The following BLVRA variants were observed in gnomAD, a reference collection of about 807,000 sequenced individuals.
The protein encoded by BLVRA is biliverdin reductase A.
Under a neutral mutation model 32.8 loss-of-function variants are expected in BLVRA, and 22 were observed. The observed-to-expected ratio is 0.67, with a 90% CI of 0.48 to 0.96. The LOEUF (loss-of-function observed/expected upper bound fraction) is 0.96. Among genes scored for constraint, BLVRA ranks in the 40% least tolerant of loss-of-function variants. BLVRA has a pLI of 0.00. For synonymous variants in BLVRA, 119 were observed against 141.3 expected (o/e 0.84, Z 1.12); for missense variants, 323 against 358.1 (o/e 0.90, Z 0.79).
At chr7:43,770,746 A>G (rs1040852262) in intron 1 of BLVRA, among the ~76,000 whole-genome samples, 4 of 152,284 alleles carry the variant, frequency 2.6e-5, no homozygotes, top group Admixed American at 2.6e-4. Flanking sequence ...AAAAAAGTAC[A>G]TATTTCTTAT....
intron 1 of BLVRA, among the ~76,000 whole-genome samples, chr7:43,762,605 C>CTTTTTTTTTTTTTTTT (rs1563533682): frequency 8.4e-6 from 1 of 118,652 alleles, no homozygotes; most frequent in Non-Finnish European, 1.8e-5. Context: ...CCCAGTAGTT[C>CTTTTTTTTTTTTTTTT]CTTTTTTTTT....
chr7:43,780,287 C>T lies in BLVRA; in HGVS notation c.13-7617C>T, dbSNP rs184195340. Among the ~76,000 whole-genome samples, 11 of 152,308 alleles carry T rather than the reference C, an allele frequency of 7.2e-5. No homozygotes were observed. The East Asian group carries it at 1.2e-3, about 16-fold the overall frequency. ...CTCGAAGGGCCATCTGTGGGCCAGG[C>T]GCTCCAGTCCCCTCACTCTGTTCCC... On this transcript the variant is annotated intron_variant, in intron 2 of 7. Transcript: ENST00000265523.
At chr7:43,783,638 C>G (rs2095773020) in intron 2 of BLVRA, among the ~76,000 whole-genome samples, 1 of 152,092 alleles carries the variant, frequency 6.6e-6, no homozygotes, top group African/African-American at 2.4e-5. Context: ...TTGTGTAGCT[C>G]TATAGGACAC....
At chr7:43,774,439 A>T (rs1158609354) in intron 2 of BLVRA, among the ~76,000 whole-genome samples, 1 of 152,096 alleles carries the variant, frequency 6.6e-6, no homozygotes, top group East Asian at 1.9e-4. Flanking sequence ...GTCAAAGATC[A>T]GATAGTTGTA....
In BLVRA at chr7:43,803,804, C is replaced by A. The variant is rs760722927; in HGVS notation, c.589C>A (p.Gln197Lys). 8 of 1,614,070 alleles carry A rather than the reference C, an allele frequency of 5.0e-6. No homozygotes were observed. The highest frequency in any genetic ancestry group is 6.8e-6 in the Non-Finnish European group (8 of 1,179,980). Residue 197 changes from glutamine (Q) to lysine (K), a missense_variant, in exon 7 of 8, where the codon CAG becomes AAG. Transcript: ENST00000265523. ...CACTTTGGAAGAGCGAAAGGAAGAT[C>A]AGTATATGAAAATGACAGTGTGTCT... ...SATLEERKED[Q>K]YMKMTVCLET...
At chr7:43,803,549 G>T in intron 6 of BLVRA, 127 bp from the exon 7 acceptor site, 1 of 1,068,988 alleles carries the variant, frequency 9.4e-7, no homozygotes, top group South Asian at 1.3e-5. Context: ...ACCACATAAG[G>T]CAAGGTCCCA....
intron 3 of BLVRA, among the ~76,000 whole-genome samples, chr7:43,788,850 A>G (rs2095781764): frequency 6.7e-6 from 1 of 149,304 alleles, no homozygotes; most frequent in Non-Finnish European, 1.5e-5. Context: ...TGTTGCCTAG[A>G]CTGGTCTCAA....
intron 2 of BLVRA, among the ~76,000 whole-genome samples, chr7:43,783,181 AG>A (rs2095772207): frequency 6.6e-6 from 1 of 152,188 alleles, no homozygotes; most frequent in Non-Finnish European, 1.5e-5. Flanking sequence ...AACTTTAAAG[AG>A]GAAAAAAAGA....
intron 4 of BLVRA, 127 bp from the exon 5 acceptor site, chr7:43,792,588 C>G (rs1323919661): frequency 2.3e-6 from 2 of 888,056 alleles, no homozygotes; most frequent in Non-Finnish European, 1.8e-6. Flanking sequence ...ACTCCTACCC[C>G]CAGTCATGAC....
intron 2 of BLVRA, among the ~76,000 whole-genome samples, chr7:43,779,969 G>T (rs920043291): frequency 6.6e-6 from 1 of 151,914 alleles, no homozygotes; most frequent in African/African-American, 2.4e-5. Flanking sequence ...TGCCTCCCGG[G>T]TTCATGCGAT....
rs775256722 is a variant in BLVRA, at chr7:43,806,978, C to G, written c.634C>G (p.Pro212Ala). ...TVCLETEKKS[P>A]LSWIEEKGPG... ...TTCTTTTGTCTTTTGTCTTTGCAGTCCACTGTCATGGATTGAAGAAAAAGG... is the reference window on the plus strand; with the variant it reads ...TTCTTTTGTCTTTTGTCTTTGCAGTGCACTGTCATGGATTGAAGAAAAAGG... The change falls in exon 8 of 8, where the codon CCA (proline) becomes GCA (alanine). Residue 212 changes from proline (P) to alanine (A), a missense_variant and splice_region_variant. By Grantham distance (27) the Pro-to-Ala change is conservative (BLOSUM62 -1). Transcript: ENST00000265523. 1 of 1,613,630 alleles carries G rather than the reference C, an allele frequency of 6.2e-7. No individual in the cohort carries two copies. The highest frequency in any genetic ancestry group is 1.1e-5 in the South Asian group (1 of 91,018).
intron 2 of BLVRA, among the ~76,000 whole-genome samples, chr7:43,773,197 T>C (rs2095756590): frequency 6.6e-6 from 1 of 152,172 alleles, no homozygotes; most frequent in African/African-American, 2.4e-5. Flanking sequence ...TGCAGGTTAG[T>C]TACATATGTA....
intron 6 of BLVRA, among the ~76,000 whole-genome samples, chr7:43,801,767 C>G (rs927540606): frequency 6.6e-6 from 1 of 152,162 alleles, no homozygotes; most frequent in Non-Finnish European, 1.5e-5. Flanking sequence ...ACGTAGCGGT[C>G]ATGAGACAGA....
At chr7:43,796,746 A>G (rs1348914866) in intron 5 of BLVRA, among the ~76,000 whole-genome samples, 2 of 152,256 alleles carry the variant, frequency 1.3e-5, no homozygotes, top group African/African-American at 2.4e-5. Context: ...AAAGGAAGCA[A>G]TCAACTGAGT....
chr7:43,802,719 T>C (rs911091837), intron 6 of BLVRA, among the ~76,000 whole-genome samples: 1 of 152,126 alleles, frequency 6.6e-6, no homozygotes, highest in African/African-American at 2.4e-5. Flanking sequence ...TAGGCTGGTC[T>C]TGAACTCCTG....
chr7:43,794,259 C>T (rs943260562), intron 5 of BLVRA, among the ~76,000 whole-genome samples: 5 of 151,960 alleles, frequency 3.3e-5, no homozygotes, highest in East Asian at 3.9e-4. Context: ...CTTTAAAAGA[C>T]CTACCCAGAC....
chr7:43,789,349 C>T (rs2095782548), intron 3 of BLVRA, among the ~76,000 whole-genome samples: 1 of 152,172 alleles, frequency 6.6e-6, no homozygotes, highest in Non-Finnish European at 1.5e-5. Context: ...CGGCCTGTCT[C>T]AAAACATGGC....
chr7:43,765,884 G>A (rs1165822950), intron 1 of BLVRA, among the ~76,000 whole-genome samples: 1 of 152,096 alleles, frequency 6.6e-6, no homozygotes, highest in African/African-American at 2.4e-5. Context: ...TTAAATATTC[G>A]ATAATGTAGA....
intron 2 of BLVRA, among the ~76,000 whole-genome samples, chr7:43,779,198 C>T (rs1003259749): frequency 6.6e-6 from 1 of 152,258 alleles, no homozygotes; most frequent in Non-Finnish European, 1.5e-5. Context: ...CCCGGTACCT[C>T]AGATGGAAAT....
Sources: allele counts gnomAD v4.1 joint callset (sites outside exome capture counted in the v4.1 genomes callset), GRCh38; gene constraint gnomAD v4.1.1; transcripts MANE v1.5; gene names NCBI Gene and HGNC (gene_info 2026-07-23, HGNC 2026-07-21).